MSI2: variants seen among roughly 807,000 people sequenced by gnomAD.
MSI2 encodes musashi RNA binding protein 2.
In MSI2, 17 loss-of-function variants were observed where a neutral mutation model predicts 45.6. The observed-to-expected ratio is 0.37, with a 90% CI of 0.26 to 0.56. The LOEUF is 0.56. Ranked by LOEUF, MSI2 falls within the 20% of genes least tolerant of loss-of-function variation. MSI2 has a pLI of 0.77. For synonymous variants in MSI2, 156 were observed against 158.2 expected (o/e 0.99, Z 0.11); for missense variants, 293 against 444.2 (o/e 0.66, Z 3.06).
chr17:57,532,781 C>T (rs1449768166), intron 7 of MSI2, among the ~76,000 whole-genome samples: 1 of 152,264 alleles, frequency 6.6e-6, no homozygotes, highest in African/African-American at 2.4e-5. Context: ...GCTGGCGCCG[C>T]CTCCAGCTCT....
chr17:57,607,381 T>C (rs1906725697), intron 8 of MSI2, among the ~76,000 whole-genome samples: 1 of 152,268 alleles, frequency 6.6e-6, no homozygotes, highest in Non-Finnish European at 1.5e-5. Flanking sequence ...CCTTTCCCTA[T>C]GGAAGCTGGC....
At chr17:57,438,240 C>T (rs115837471) in intron 6 of MSI2, among the ~76,000 whole-genome samples, 2,095 of 152,256 alleles carry the variant, frequency 0.014, 49 homozygotes, top group African/African-American at 0.048. Context: ...CCACAGCAAG[C>T]TTTCCTCTCC....
chr17:57,497,213 G>T (rs2085997469), intron 6 of MSI2, among the ~76,000 whole-genome samples: 1 of 152,214 alleles, frequency 6.6e-6, no homozygotes. Context: ...CTGACGTCTG[G>T]TGATCCACCT....
chr17:57,406,547 C>T lies in MSI2; in HGVS notation c.405+5076C>T, dbSNP rs118071344. 1.6e-4 allele frequency among the ~76,000 whole-genome samples: 25 copies of T among 152,310 alleles called. No individual in the cohort carries two copies. The East Asian group carries it at 4.2e-3, about 26-fold the overall frequency. On this transcript the variant is annotated intron_variant, in intron 6 of 13. Transcript: ENST00000284073. ...AGTGCCGAGCTCGCTAGGTAATTCT[C>T]GCTTTCTAGAACTCCTGTGAAAGCA...
chr17:57,335,271 G>A (rs1914617138), intron 5 of MSI2, among the ~76,000 whole-genome samples: 1 of 152,150 alleles, frequency 6.6e-6, no homozygotes, highest in Admixed American at 6.5e-5. Context: ...GCAGCTGTGC[G>A]ATGTGCTAGA....
chr17:57,334,875 C>G (rs2098311063), intron 5 of MSI2, among the ~76,000 whole-genome samples: 2 of 150,904 alleles, frequency 1.3e-5, no homozygotes, highest in Admixed American at 6.6e-5. Context: ...GGAAGAGAGA[C>G]AACCTAAGGC....
At chr17:57,481,265 G>C (rs1449828210) in intron 6 of MSI2, among the ~76,000 whole-genome samples, 4 of 152,210 alleles carry the variant, frequency 2.6e-5, no homozygotes, top group Non-Finnish European at 5.9e-5. Context: ...CTTTCAAAAG[G>C]ATATATCCAT....
chr17:57,492,622 T>G (rs190062742), intron 6 of MSI2, among the ~76,000 whole-genome samples: 16 of 152,070 alleles, frequency 1.1e-4, no homozygotes, highest in Non-Finnish European at 1.8e-4. Flanking sequence ...GTTTTGTTTT[T>G]TTTTGAGACA....
At chr17:57,525,136 ACTT>A (rs1296587183) in intron 6 of MSI2, among the ~76,000 whole-genome samples, 3 of 152,164 alleles carry the variant, frequency 2.0e-5, no homozygotes, top group African/African-American at 7.2e-5. Context: ...ACTCTCACAT[ACTT>A]CTGAGGATAT....
At chr17:57,367,615 T>G (rs967624718) in intron 5 of MSI2, among the ~76,000 whole-genome samples, 1 of 152,150 alleles carries the variant, frequency 6.6e-6, no homozygotes, top group African/African-American at 2.4e-5. Flanking sequence ...CCTGGGCCCC[T>G]CCCTGGAGGC....
intron 9 of MSI2, among the ~76,000 whole-genome samples, chr17:57,619,459 C>T (rs1285583620): frequency 6.6e-6 from 1 of 152,180 alleles, no homozygotes; most frequent in African/African-American, 2.4e-5. Flanking sequence ...GAGTGGAAGC[C>T]AGTCTTAGGA....
intron 6 of MSI2, among the ~76,000 whole-genome samples, chr17:57,511,138 G>C (rs976589332): frequency 6.6e-6 from 1 of 152,190 alleles, no homozygotes. Context: ...AGAACCAGAG[G>C]GGGTCAGCCA....
downstream of MSI2, among the ~76,000 whole-genome samples, chr17:57,686,433 A>G (rs1450328060): frequency 6.6e-6 from 1 of 152,256 alleles, no homozygotes; most frequent in African/African-American, 2.4e-5. Flanking sequence ...TGAATCTACC[A>G]TTATCTAAAT....
At chr17:57,669,452 C>T (rs898233373) in intron 11 of MSI2, among the ~76,000 whole-genome samples, 2 of 152,172 alleles carry the variant, frequency 1.3e-5, no homozygotes, top group Admixed American at 6.5e-5. Context: ...TCCCTGAGAG[C>T]CCTGAGAGTT....
chr17:57,460,184 C>T (rs183634384), intron 6 of MSI2, among the ~76,000 whole-genome samples: 18 of 151,306 alleles, frequency 1.2e-4, no homozygotes, highest in African/African-American at 3.4e-4. Context: ...ATCAGTTGGG[C>T]GTGGTGACAC....
At chr17:57,397,549 G>A (rs544956828) in intron 5 of MSI2, among the ~76,000 whole-genome samples, 107 of 152,280 alleles carry the variant, frequency 7.0e-4, no homozygotes, top group African/African-American at 2.5e-3. Flanking sequence ...TCCCCTTCCT[G>A]CCCTCCTCAG....
intron 7 of MSI2, among the ~76,000 whole-genome samples, chr17:57,563,626 T>C (rs1335447377): frequency 6.6e-6 from 1 of 152,152 alleles, no homozygotes; most frequent in African/African-American, 2.4e-5. Context: ...TCCTTCCTAA[T>C]GTGGACTCTC....
At chr17:57,383,835 C>A (rs1250281244) in intron 5 of MSI2, among the ~76,000 whole-genome samples, 1 of 152,096 alleles carries the variant, frequency 6.6e-6, no homozygotes, top group African/African-American at 2.4e-5. Context: ...AGGTTTACCC[C>A]CAATGAATAC....
At chr17:57,574,451 G>A (rs2087960142) in intron 7 of MSI2, among the ~76,000 whole-genome samples, 1 of 152,230 alleles carries the variant, frequency 6.6e-6, no homozygotes, top group Non-Finnish European at 1.5e-5. Context: ...TGGTGCATGG[G>A]CGGGGCAGGG....
Sources: allele counts gnomAD v4.1 joint callset (sites outside exome capture counted in the v4.1 genomes callset), GRCh38; gene constraint gnomAD v4.1.1; transcripts MANE v1.5; gene names NCBI Gene and HGNC (gene_info 2026-07-23, HGNC 2026-07-21).